RMND1: variants seen among roughly 807,000 people sequenced by gnomAD.
RMND1 encodes the protein required for meiotic nuclear division 1 homolog, also known as required for meiotic nuclear division protein 1 homolog.
RMND1 carries 41 observed loss-of-function variants against 54.0 expected under a neutral mutation model. That is an observed-to-expected ratio of 0.76 (90% CI 0.59 to 0.98). The LOEUF (loss-of-function observed/expected upper bound fraction) is 0.98, where lower values mean the gene tolerates loss of function less well. Ranked by LOEUF, RMND1 falls within the 50% of genes least tolerant of loss-of-function variation. RMND1 has a pLI of 0.00. For missense variants in RMND1, 457 were observed against 532.0 expected (o/e 0.86, Z 1.39); for synonymous variants, 183 against 181.7 (o/e 1.01, Z -0.06).
At chr6:151,417,447 C>A in intron 9 of RMND1, 48 bp from the exon 10 acceptor site, 2 of 1,418,326 alleles carry the variant, frequency 1.4e-6, no homozygotes, top group South Asian at 1.3e-5. Flanking sequence ...AATTAAAAAT[C>A]ATTGTTTCTA....
chr6:151,421,895 G>A (rs1451778569), intron 8 of RMND1, among the ~76,000 whole-genome samples: 3 of 151,804 alleles, frequency 2.0e-5, no homozygotes, highest in South Asian at 2.1e-4. Flanking sequence ...CAGGAGGATC[G>A]CTTGAGCCCA....
intron 1 of RMND1, among the ~76,000 whole-genome samples, chr6:151,449,960 G>A (rs998622534): frequency 6.6e-6 from 1 of 152,192 alleles, no homozygotes; most frequent in Non-Finnish European, 1.5e-5. Flanking sequence ...GCTCAATGGT[G>A]CACAGGCTGG....
At chr6:151,448,216 A>T (rs1475006565) in intron 1 of RMND1, among the ~76,000 whole-genome samples, 2 of 151,736 alleles carry the variant, frequency 1.3e-5, no homozygotes, top group African/African-American at 4.8e-5. Flanking sequence ...AATACATCGG[A>T]CCTCCTCATC....
intron 7 of RMND1, among the ~76,000 whole-genome samples, 175 bp from the exon 8 acceptor site, chr6:151,422,780 GGA>G (rs1289110879): frequency 2.6e-5 from 4 of 152,172 alleles, no homozygotes; most frequent in Non-Finnish European, 5.9e-5. Flanking sequence ...GAATTAAAGT[GGA>G]TAGAGGAAAC....
chr6:151,445,188 G>A, intron 2 of RMND1, 120 bp downstream of exon 2: 1 of 973,950 alleles, frequency 1.0e-6, no homozygotes, highest in Non-Finnish European at 1.5e-6. Flanking sequence ...AGACCTTGAT[G>A]AAGAAGTCTG....
chr6:151,413,307 A>G (rs1445024626), intron 10 of RMND1, among the ~76,000 whole-genome samples: 1 of 152,172 alleles, frequency 6.6e-6, no homozygotes, highest in African/African-American at 2.4e-5. Context: ...GCTGGAGTGC[A>G]GTGGTGCAGT....
rs71014585 is a variant in RMND1 at position 151,449,060 on chromosome 6, CAAAAAAA to C, written c.-15+2949_-15+2955del. Among the ~76,000 whole-genome samples, 10 of 18,676 alleles carry C rather than the reference CAAAAAAA, an allele frequency of 5.4e-4. 1 individual carries two copies. Among genetic ancestry groups the C allele is most frequent in the African/African-American group, 1.7e-3 (7 of 4,020 alleles). 12.3% of individuals were successfully genotyped at this position (18,676 alleles called of 152,430 possible). A position where few individuals can be genotyped will look rare whatever the true frequency, so the allele number is the denominator to read the frequency against. ...TGAGCAACAAAGCGAGACTCTGTCTCAAAAAAAAAAAAAAAAAAAAAAAAAAAGCCTG... is the reference window on the plus strand; with the variant it reads ...TGAGCAACAAAGCGAGACTCTGTCTCAAAAAAAAAAAAAAAAAAAAGCCTG... On this transcript the variant is annotated intron_variant, in intron 1 of 11. Coordinates refer to ENST00000444024, the MANE Select transcript of RMND1 (RefSeq NM_017909.4).
At position 151,405,694 on chromosome 6, in the gene RMND1, C is replaced by T. The variant is rs3757315; in HGVS notation, c.1317+26G>A. On this transcript the variant is annotated intron_variant, in intron 11 of 11. Coordinates refer to ENST00000444024, the MANE Select transcript of RMND1 (RefSeq NM_017909.4). Reference sequence around the variant, plus strand: ...TATTTGTGAAAAGATGGTAACTGATCATAGTACAGAGCATTTCCATCTTAC... The same window carrying T: ...TATTTGTGAAAAGATGGTAACTGATTATAGTACAGAGCATTTCCATCTTAC... 0.29 allele frequency: 319,342 copies of T among 1,091,798 alleles called. 55,637 individuals are homozygous for T. The highest frequency in any genetic ancestry group is 0.62 in the East Asian group (26,451 of 42,384). 67.6% of individuals were successfully genotyped at this position (1,091,798 alleles called of 1,614,324 possible). A position where few individuals can be genotyped will look rare whatever the true frequency, so the allele number is the denominator to read the frequency against.
At chr6:151,410,047 T>C (rs1779763315) in intron 10 of RMND1, among the ~76,000 whole-genome samples, 1 of 147,174 alleles carries the variant, frequency 6.8e-6, no homozygotes, top group African/African-American at 2.5e-5. Flanking sequence ...ACCCCGCTAC[T>C]CTTTGTTCCA....
At chr6:151,450,850 C>T (rs939820721) in intron 1 of RMND1, among the ~76,000 whole-genome samples, 107 of 152,194 alleles carry the variant, frequency 7.0e-4, no homozygotes, top group Admixed American at 8.5e-4. Flanking sequence ...CATTTTGTTC[C>T]ATACTAAGAA....
chr6:151,405,276 AG>A lies in RMND1; in HGVS notation c.1318-10del. 6.2e-7 allele frequency: 1 copy of A among 1,611,802 alleles called. No individual in the cohort carries two copies. Among genetic ancestry groups the A allele is most frequent in the Middle Eastern group, 1.6e-4 (1 of 6,062 alleles). ...CCCAGCTCAAACATTACCTTAGAATAGAAAGTGAGAATTATTTCATGACGGG... is the reference window on the plus strand; with the variant it reads ...CCCAGCTCAAACATTACCTTAGAATAAAAGTGAGAATTATTTCATGACGGG... On this transcript the variant is annotated splice_polypyrimidine_tract_variant and intron_variant, in intron 11 of 11. Coordinates refer to ENST00000444024, the MANE Select transcript of RMND1 (RefSeq NM_017909.4).
At chr6:151,437,267 T>TAAATAA (rs1313724825) in intron 2 of RMND1, among the ~76,000 whole-genome samples, 1 of 152,214 alleles carries the variant, frequency 6.6e-6, no homozygotes, top group Non-Finnish European at 1.5e-5. Flanking sequence ...GCTTTTTTAA[T>TAAATAA]AAAACTAAAT....
chr6:151,414,079 TA>T (rs1412689048), intron 10 of RMND1: 3 of 152,204 alleles, frequency 2.0e-5, no homozygotes, highest in Admixed American at 2.0e-4. Context: ...TTTTTATTTT[TA>T]TTTTTTTGAG....
intron 2 of RMND1, among the ~76,000 whole-genome samples, chr6:151,439,319 A>G (rs193225367): frequency 6.6e-6 from 1 of 152,354 alleles, no homozygotes; most frequent in African/African-American, 2.4e-5. Flanking sequence ...CAGGCTCTCC[A>G]TTAATTCACC....
intron 7 of RMND1, 64 bp from the exon 8 acceptor site, chr6:151,422,669 T>TGTG: frequency 1.4e-6 from 1 of 702,038 alleles, no homozygotes; most frequent in Non-Finnish European, 2.3e-6. Flanking sequence ...ATAAAATACA[T>TGTG]AATTGCACAG....
intron 3 of RMND1, among the ~76,000 whole-genome samples, chr6:151,435,884 T>C (rs549321573): frequency 6.6e-6 from 1 of 150,560 alleles, no homozygotes; most frequent in East Asian, 2.0e-4. Context: ...GCGGGAGGAT[T>C]AGATGAGGTT....
rs746288905 is a variant in RMND1 at position 151,430,190 on chromosome 6, A to T, written c.690-13T>A. 1 of 1,582,416 alleles carries T rather than the reference A, an allele frequency of 6.3e-7. No individual in the cohort carries two copies. The highest frequency in any genetic ancestry group is 1.7e-5 in the Admixed American group (1 of 59,370). ...AGCAGCTCCTTCCCTGATTTAAAAA[A>T]ATAAAAGAAACAACTAAGATACAGA... On this transcript the variant is annotated splice_polypyrimidine_tract_variant and intron_variant, in intron 4 of 11. Transcript: ENST00000444024.
At chr6:151,427,920 C>A (rs908447606) in intron 5 of RMND1, among the ~76,000 whole-genome samples, 2 of 152,064 alleles carry the variant, frequency 1.3e-5, no homozygotes, top group Non-Finnish European at 2.9e-5. Context: ...GCGGGTGGAT[C>A]CTTGAGCTCA....
chr6:151,412,343 G>A (rs539309107), intron 10 of RMND1, among the ~76,000 whole-genome samples: 1 of 151,740 alleles, frequency 6.6e-6, no homozygotes, highest in South Asian at 2.1e-4. Flanking sequence ...AAAGAGATGG[G>A]CGGGGGTATC....
Sources: allele counts gnomAD v4.1 joint callset (sites outside exome capture counted in the v4.1 genomes callset), GRCh38; gene constraint gnomAD v4.1.1; transcripts MANE v1.5; gene names NCBI Gene and HGNC (gene_info 2026-07-23, HGNC 2026-07-21).